PBRM1: variants seen among roughly 807,000 people sequenced by gnomAD.
PBRM1 encodes the protein protein polybromo-1.
A neutral mutation model predicts 194.5 loss-of-function variants in PBRM1; 27 were observed. The observed-to-expected ratio is 0.14, with a 90% confidence interval of 0.10 to 0.19. The LOEUF is 0.19. PBRM1 is among the 10% of genes least tolerant of loss of function. The pLI, the probability that PBRM1 is intolerant of heterozygous loss-of-function variation, is 1.00. For missense variants in PBRM1, 1,466 were observed against 2,077.2 expected (o/e 0.71, Z 5.72); for synonymous variants, 655 against 693.2 (o/e 0.94, Z 0.87).
intron 20 of PBRM1, among the ~76,000 whole-genome samples, chr3:52,583,423 A>G (rs2091784682): frequency 6.6e-6 from 1 of 152,096 alleles, no homozygotes. Flanking sequence ...AAAACAAAAA[A>G]AAAAACACCA....
chr3:52,632,306 G>A (rs1031024196), intron 11 of PBRM1, among the ~76,000 whole-genome samples: 6 of 152,076 alleles, frequency 3.9e-5, no homozygotes, highest in Admixed American at 1.3e-4. Context: ...TTAAAAGGCC[G>A]GGTATGGTGG....
chr3:52,613,528 G>A (rs903063767), intron 15 of PBRM1, among the ~76,000 whole-genome samples: 3 of 151,884 alleles, frequency 2.0e-5, no homozygotes, highest in African/African-American at 7.2e-5. Context: ...TTTTTTTGTA[G>A]AGACAAGGTC....
intron 22 of PBRM1, among the ~76,000 whole-genome samples, chr3:52,575,509 T>A (rs1229750389): frequency 1.4e-5 from 1 of 72,090 alleles, no homozygotes; most frequent in Non-Finnish European, 2.8e-5. Context: ...ATCAATTGTC[T>A]TTTTTTTTTT....
chr3:52,667,906 GA>G (rs890981030), intron 3 of PBRM1, among the ~76,000 whole-genome samples: 8 of 149,228 alleles, frequency 5.4e-5, no homozygotes, highest in African/African-American at 9.9e-5. Context: ...AAAAAAAAAA[GA>G]AAAAAAAATT....
chr3:52,552,341 G>A (rs1222490360), intron 27 of PBRM1, among the ~76,000 whole-genome samples: 3 of 152,216 alleles, frequency 2.0e-5, no homozygotes, highest in African/African-American at 7.2e-5. Context: ...GAGAATCTGA[G>A]CTGAGTCACC....
chr3:52,606,651 C>G (rs965023454), intron 16 of PBRM1, among the ~76,000 whole-genome samples: 10 of 152,094 alleles, frequency 6.6e-5, no homozygotes, highest in Non-Finnish European at 1.5e-4. Flanking sequence ...TAAACGCAAG[C>G]TGGAAAAAGA....
intron 11 of PBRM1, among the ~76,000 whole-genome samples, chr3:52,633,038 A>G (rs1344361262): frequency 6.6e-6 from 1 of 152,104 alleles, no homozygotes; most frequent in Non-Finnish European, 1.5e-5. Flanking sequence ...TAGTAGTATA[A>G]AATACTTCCA....
chr3:52,561,709 G>T, intron 25 of PBRM1, 58 bp downstream of exon 27: 3 of 1,421,934 alleles, frequency 2.1e-6, no homozygotes, highest in Non-Finnish European at 9.9e-7. Context: ...GTCTGTGCGC[G>T]TGCATTCCTG....
At chr3:52,622,685 C>T (rs1343656729) in intron 13 of PBRM1, among the ~76,000 whole-genome samples, 1 of 152,106 alleles carries the variant, frequency 6.6e-6, no homozygotes, top group Non-Finnish European at 1.5e-5. Context: ...CACTTTTTCT[C>T]CCCCTGGCTG....
chr3:52,624,477 T>C (rs975033571), intron 13 of PBRM1, among the ~76,000 whole-genome samples: 6 of 152,210 alleles, frequency 3.9e-5, no homozygotes, highest in African/African-American at 7.2e-5. Context: ...ACCCAATGCA[T>C]AGGTGTCCAC....
chr3:52,618,991 C>T (rs1456412956), intron 13 of PBRM1, among the ~76,000 whole-genome samples: 7 of 152,166 alleles, frequency 4.6e-5, no homozygotes, highest in African/African-American at 9.7e-5. Flanking sequence ...TCAGGTGATC[C>T]GCCTGCCTCG....
chr3:52,590,556 A>C (rs1304278596), intron 17 of PBRM1, among the ~76,000 whole-genome samples: 1 of 152,132 alleles, frequency 6.6e-6, no homozygotes, highest in Non-Finnish European at 1.5e-5. Context: ...TTACTTCCTT[A>C]GGTTAATTTC....
intron 3 of PBRM1, among the ~76,000 whole-genome samples, chr3:52,662,841 AC>A (rs1244168665): frequency 7.6e-5 from 11 of 145,228 alleles, no homozygotes; most frequent in East Asian, 2.0e-4. Flanking sequence ...AAAAAAAAAA[AC>A]ACCAAAAAAC....
Position 52,589,260 on chromosome 3 carries a change from G to A in PBRM1, c.2780-5C>T, listed in dbSNP as rs1408585586. On this transcript the variant is annotated splice_region_variant and splice_polypyrimidine_tract_variant and intron_variant, in intron 17 of 29. Coordinates refer to ENST00000296302, the Ensembl canonical transcript of PBRM1. ...AATCTTCACTCTTTTCAGCTTCTTA[G>A]GTAAAAAAATAAATAAATAAAGGAA... The A allele has an allele frequency of 4.7e-6, 7 of 1,500,860 alleles. No individual in the cohort carries two copies. The highest frequency in any genetic ancestry group is 5.0e-5 in the East Asian group (2 of 39,890). 93.0% of individuals were successfully genotyped at this position (1,500,860 alleles called of 1,614,324 possible).
chr3:52,619,160 T>C (rs1421446177), intron 13 of PBRM1, among the ~76,000 whole-genome samples: 6 of 152,052 alleles, frequency 3.9e-5, no homozygotes, highest in Non-Finnish European at 5.9e-5. Flanking sequence ...TCCCAAAGTG[T>C]TGGGATTACA....
At chr3:52,586,754 A>G (rs1173252808) in intron 19 of PBRM1, 66 bp from the exon 22 acceptor site, 1 of 1,133,548 alleles carries the variant, frequency 8.8e-7, no homozygotes, top group Non-Finnish European at 1.2e-6. Flanking sequence ...CAATCAAAAA[A>G]AAAAAAAAAA....
intron 17 of PBRM1, among the ~76,000 whole-genome samples, chr3:52,595,368 T>A: frequency 6.6e-6 from 1 of 152,174 alleles, no homozygotes; most frequent in East Asian, 1.9e-4. Context: ...AGGCCCTGGC[T>A]TTTGGATAAA....
intron 3 of PBRM1, among the ~76,000 whole-genome samples, chr3:52,668,141 G>T (rs1396924174): frequency 6.6e-6 from 1 of 151,918 alleles, no homozygotes; most frequent in Non-Finnish European, 1.5e-5. Flanking sequence ...TACAAAACAT[G>T]CAAAAATTAG....
At chr3:52,570,425 T>C (rs1002702734) in intron 22 of PBRM1, among the ~76,000 whole-genome samples, 1 of 152,242 alleles carries the variant, frequency 6.6e-6, no homozygotes, top group African/African-American at 2.4e-5. Flanking sequence ...ACAGCACTTT[T>C]ATTTACATAA....
Sources: allele counts gnomAD v4.1 joint callset (sites outside exome capture counted in the v4.1 genomes callset), GRCh38; gene constraint gnomAD v4.1.1; transcripts MANE v1.5; gene names NCBI Gene and HGNC (gene_info 2026-07-23, HGNC 2026-07-21).